The following CPA4 variants were observed in gnomAD, a reference collection of about 807,000 sequenced individuals.
The protein encoded by CPA4 is carboxypeptidase A3.
CPA4 carries 49 observed loss-of-function variants against 54.7 expected under a neutral mutation model. The ratio of observed to expected loss-of-function variants is 0.90; its 90% CI spans 0.71 to 1.14. CPA4 has a LOEUF of 1.14. Among genes scored for constraint, CPA4 ranks in the 50% most tolerant of loss-of-function variants. The probability of loss-of-function intolerance (pLI) is 0.00; values close to 1 mark genes in which losing one functional copy is unlikely to be tolerated. For missense variants in CPA4, 487 were observed against 525.1 expected, an observed-to-expected ratio of 0.93 and a Z score of 0.71; for synonymous variants, 215 against 206.8, an observed-to-expected ratio of 1.04 and a Z score of -0.34.
chr7:130,321,413 G>A (rs537838187), intron 10 of CPA4, among the ~76,000 whole-genome samples: 6 of 151,870 alleles, frequency 4.0e-5, no homozygotes, highest in East Asian at 1.9e-4. Flanking sequence ...AACAATCAAC[G>A]TCCATTTTCT....
At chr7:130,295,644 T>C (rs1793637187) in intron 1 of CPA4, among the ~76,000 whole-genome samples, 1 of 152,202 alleles carries the variant, frequency 6.6e-6, no homozygotes. Context: ...CACCCCGCAA[T>C]GTCCTCCCTC....
intron 10 of CPA4, among the ~76,000 whole-genome samples, chr7:130,322,246 G>A (rs889231600): frequency 2.0e-5 from 3 of 152,314 alleles, no homozygotes; most frequent in Admixed American, 6.5e-5. Context: ...CGGACACAGC[G>A]TTAGTAATAA....
intron 3 of CPA4, 149 bp downstream of exon 3, chr7:130,299,553 C>G (rs2117134549): frequency 1.5e-6 from 1 of 673,516 alleles, no homozygotes; most frequent in African/African-American, 1.8e-5. Flanking sequence ...AGTGCAGTGA[C>G]TTGTTAGAGG....
intron 1 of CPA4, among the ~76,000 whole-genome samples, chr7:130,294,584 C>T (rs1793620921): frequency 6.6e-6 from 1 of 152,210 alleles, no homozygotes; most frequent in African/African-American, 2.4e-5. Flanking sequence ...CTCTATTTCG[C>T]AAGATACAGA....
At chr7:130,295,107 G>A (rs1793628280) in intron 1 of CPA4, among the ~76,000 whole-genome samples, 1 of 152,246 alleles carries the variant, frequency 6.6e-6, no homozygotes, top group Non-Finnish European at 1.5e-5. Context: ...TTGCAGAGCT[G>A]GTTACAGCAT....
chr7:130,322,415 A>C, intron 10 of CPA4, 74 bp from the exon 11 acceptor site: 2 of 1,260,604 alleles, frequency 1.6e-6, no homozygotes, highest in South Asian at 2.7e-5. Flanking sequence ...CCAGGCAGGC[A>C]GAGCTCTTGG....
At chr7:130,293,448 C>G in intron 1 of CPA4, 200 bp downstream of exon 1, 1 of 561,856 alleles carries the variant, frequency 1.8e-6, no homozygotes, top group Non-Finnish European at 3.2e-6. Flanking sequence ...ACTAGATGAT[C>G]ATTGCAGTCT....
At chr7:130,306,137 T>G in intron 6 of CPA4, 1 of 580,904 alleles carries the variant, frequency 1.7e-6, no homozygotes, top group East Asian at 2.9e-5. Flanking sequence ...CAAGCTGATA[T>G]GCAGCAGAGG....
chr7:130,304,725 G>C, intron 5 of CPA4, 146 bp downstream of exon 5: 2 of 641,322 alleles, frequency 3.1e-6, no homozygotes, highest in South Asian at 3.7e-5. Context: ...CTGGAACTTG[G>C]TCTGACAGAG....
chr7:130,319,461 CT>C (rs1794050938), intron 10 of CPA4, among the ~76,000 whole-genome samples: 1 of 152,218 alleles, frequency 6.6e-6, no homozygotes, highest in Non-Finnish European at 1.5e-5. Context: ...AAAACTTCCC[CT>C]TTGCCTTCTG....
intron 1 of CPA4, among the ~76,000 whole-genome samples, chr7:130,296,501 G>A (rs775591106): frequency 3.3e-5 from 5 of 152,116 alleles, no homozygotes; most frequent in East Asian, 1.9e-4. Context: ...GGGTGAATGC[G>A]TAACATGATT....
At chr7:130,300,951 T>G in intron 4 of CPA4, 37 bp downstream of exon 4, 7 of 1,361,766 alleles carry the variant, frequency 5.1e-6, no homozygotes, top group Non-Finnish European at 7.3e-6. Flanking sequence ...CAAGGTTCTC[T>G]GCCTCCTGAA....
Position 130,310,639 on chromosome 7 carries a change from C to T in CPA4, c.794-148C>T. On this transcript the variant is annotated intron_variant, in intron 8 of 10. Transcript: ENST00000222482. The surrounding 1 kb of genome is among the most constrained non-coding windows in gnomAD (Gnocchi z 4.3). ...CCCTCTTCCATGCCTTCTCTGCAGTCCACACCCACCATGGACTAGGTGCTC... is the reference window on the plus strand; with the variant it reads ...CCCTCTTCCATGCCTTCTCTGCAGTTCACACCCACCATGGACTAGGTGCTC... 1 of 681,532 alleles carries T rather than the reference C, an allele frequency of 1.5e-6. No individual in the cohort carries two copies. 42.2% of individuals were successfully genotyped at this position (681,532 alleles called of 1,614,324 possible).
At chr7:130,297,415 C>A (rs1294124118) in intron 1 of CPA4, among the ~76,000 whole-genome samples, 1 of 152,170 alleles carries the variant, frequency 6.6e-6, no homozygotes, top group African/African-American at 2.4e-5. Flanking sequence ...CTCTTCAGGG[C>A]CCTCGGCAGT....
intron 5 of CPA4, among the ~76,000 whole-genome samples, chr7:130,305,181 C>T (rs1470093403): frequency 6.6e-6 from 1 of 152,230 alleles, no homozygotes; most frequent in African/African-American, 2.4e-5. Flanking sequence ...GCCAAACCCT[C>T]AGCTTCGTAT....
chr7:130,312,958 G>A (rs766696046), intron 10 of CPA4, among the ~76,000 whole-genome samples: 22 of 152,236 alleles, frequency 1.4e-4, no homozygotes, highest in Admixed American at 2.0e-4. Flanking sequence ...TCCTGGTCAC[G>A]CTGACATTAC....
In CPA4 at chr7:130,314,413, G is replaced by A. The variant is rs140738062; in HGVS notation, c.1078+2291G>A. ...GGAAGCAGGATAATCGCTGACCAGG[G>A]TGTCAGCTCTTTTAACAAAGGAAGC... On this transcript the variant is annotated intron_variant, in intron 10 of 10. Transcript: ENST00000222482. Among the ~76,000 whole-genome samples, 334 of 152,330 alleles carry A rather than the reference G, an allele frequency of 2.2e-3. 1 individual carries two copies. The highest frequency in any genetic ancestry group is 7.3e-3 in the African/African-American group (303 of 41,572).
intron 10 of CPA4, 80 bp from the exon 11 acceptor site, chr7:130,322,405 CCAGG>C: frequency 8.7e-7 from 1 of 1,154,254 alleles, no homozygotes; most frequent in Non-Finnish European, 1.3e-6. Context: ...TTAAGGAACC[CCAGG>C]CAGGCAGAGC....
chr7:130,293,315 G>C (rs1272349800), intron 1 of CPA4, 67 bp downstream of exon 1: 10 of 912,120 alleles, frequency 1.1e-5, no homozygotes, highest in Admixed American at 8.5e-5. Flanking sequence ...AACTGAAAAT[G>C]AATGGCTGAT....
Sources: gnomAD v4.1 joint callset for allele counts (sites outside exome capture counted in the v4.1 genomes callset) on GRCh38, gnomAD v4.1.1 for gene constraint, Gnocchi (gnomAD v3.1) non-coding constraint, MANE v1.5 for transcripts, NCBI Gene and HGNC (gene_info 2026-07-23, HGNC 2026-07-21) for gene names.